Variants in KCNMA1 observed in about 807,000 individuals in gnomAD.
KCNMA1 encodes potassium calcium-activated channel subfamily M alpha 1.
In KCNMA1, 29 loss-of-function variants were observed where a neutral mutation model predicts 140.0. The observed-to-expected ratio is 0.21, with a 90% CI of 0.15 to 0.28. The LOEUF (loss-of-function observed/expected upper bound fraction) is 0.28. KCNMA1 is among the 10% of genes least tolerant of loss of function. The probability of loss-of-function intolerance (pLI) is 1.00; values close to 1 mark genes in which losing one functional copy is unlikely to be tolerated. For missense variants in KCNMA1, 880 were observed against 1,602.2 expected (o/e 0.55, Z 7.70); for synonymous variants, 612 against 611.9 (o/e 1.00, Z 0.00).
chr10:77,559,574 C>CG (rs1451563346), intron 1 of KCNMA1, among the ~76,000 whole-genome samples: 2 of 152,178 alleles, frequency 1.3e-5, no homozygotes, highest in Non-Finnish European at 2.9e-5. Flanking sequence ...AAGGTGTCAC[C>CG]CCCAGCTCTC....
chr10:76,927,323 TAAAC>T (rs1196495452), intron 23 of KCNMA1, among the ~76,000 whole-genome samples: 2 of 152,144 alleles, frequency 1.3e-5, no homozygotes, highest in Non-Finnish European at 2.9e-5. Context: ...AACCATTTAT[TAAAC>T]AAACACTATG....
intron 1 of KCNMA1, among the ~76,000 whole-genome samples, chr10:77,447,700 T>C (rs1416999278): frequency 6.6e-6 from 1 of 152,196 alleles, no homozygotes; most frequent in Non-Finnish European, 1.5e-5. Context: ...TTTTGGATCC[T>C]GGGATCAAGA....
At chr10:77,324,784 G>A (rs1302695119) in intron 2 of KCNMA1, among the ~76,000 whole-genome samples, 17 of 152,110 alleles carry the variant, frequency 1.1e-4, no homozygotes, top group Non-Finnish European at 2.2e-4. Context: ...GGGTTCTGTT[G>A]GTAGCTGGAA....
intron 1 of KCNMA1, among the ~76,000 whole-genome samples, chr10:77,442,793 C>A (rs886298189): frequency 6.6e-6 from 1 of 152,192 alleles, no homozygotes; most frequent in African/African-American, 2.4e-5. Flanking sequence ...TCCTCCTTCA[C>A]ACCCAAGAGG....
chr10:77,595,662 TTTTTG>T (rs142378454), intron 1 of KCNMA1, among the ~76,000 whole-genome samples: 1 of 151,970 alleles, frequency 6.6e-6, no homozygotes, highest in African/African-American at 2.4e-5. Context: ...GACAGGCTAG[TTTTTG>T]TTTTGTTTTG....
chr10:77,543,016 TTTCTCTCTCTCTCA>T (rs1033760758), intron 1 of KCNMA1, among the ~76,000 whole-genome samples: 4 of 25,222 alleles, frequency 1.6e-4, no homozygotes, highest in African/African-American at 1.6e-3. Flanking sequence ...ACTCTCTCTC[TTTCTCTCTCTCTCA>T]TTCTCTCTCT....
intron 1 of KCNMA1, among the ~76,000 whole-genome samples, chr10:77,431,764 G>A (rs996775244): frequency 2.7e-5 from 4 of 148,184 alleles, no homozygotes; most frequent in South Asian, 2.2e-4. Context: ...TTGGGAAGCC[G>A]ATGCGGATGG....
intron 25 of KCNMA1, among the ~76,000 whole-genome samples, chr10:76,896,573 T>C (rs1398285669): frequency 6.6e-6 from 1 of 152,202 alleles, no homozygotes; most frequent in Non-Finnish European, 1.5e-5. Flanking sequence ...GGGGAAGTGA[T>C]AAATGTCCAT....
chr10:77,277,968 C>A (rs1485803954), intron 2 of KCNMA1, among the ~76,000 whole-genome samples: 1 of 152,152 alleles, frequency 6.6e-6, no homozygotes, highest in Non-Finnish European at 1.5e-5. Flanking sequence ...TGTATCTTTC[C>A]ATTAATCAAT....
chr10:77,568,919 C>A (rs962384665), intron 1 of KCNMA1, among the ~76,000 whole-genome samples: 1 of 149,740 alleles, frequency 6.7e-6, no homozygotes, highest in Non-Finnish European at 1.5e-5. Flanking sequence ...ACAAAAATCA[C>A]AAGCATTCTC....
intron 1 of KCNMA1, among the ~76,000 whole-genome samples, chr10:77,417,656 A>T (rs1270770644): frequency 1.3e-5 from 2 of 152,254 alleles, no homozygotes; most frequent in Non-Finnish European, 2.9e-5. Flanking sequence ...GTCCCGTGCC[A>T]GGAAAATTTC....
chr10:77,363,120 A>T (rs202005597), intron 2 of KCNMA1, among the ~76,000 whole-genome samples: 175 of 151,144 alleles, frequency 1.2e-3, no homozygotes, highest in African/African-American at 3.1e-3. Context: ...AATTATTATT[A>T]TTTTTTTTTT....
At chr10:77,575,999 T>C (rs2073948906) in intron 1 of KCNMA1, among the ~76,000 whole-genome samples, 1 of 152,266 alleles carries the variant, frequency 6.6e-6, no homozygotes, top group East Asian at 1.9e-4. Flanking sequence ...GGCCCATGTT[T>C]CTAGCCTTAG....
At chr10:77,044,027 AC>A (rs2094894314) in intron 14 of KCNMA1, among the ~76,000 whole-genome samples, 1 of 152,188 alleles carries the variant, frequency 6.6e-6, no homozygotes, top group South Asian at 2.1e-4. Context: ...GATTTTTAAA[AC>A]CCTTATGTAT....
At chr10:77,149,440 G>A (rs985889999) in intron 5 of KCNMA1, among the ~76,000 whole-genome samples, 4 of 152,178 alleles carry the variant, frequency 2.6e-5, no homozygotes, top group African/African-American at 9.7e-5. Flanking sequence ...ATAAATGGCT[G>A]TGTGACTTGT....
chr10:77,172,506 C>T (rs1046385922), intron 5 of KCNMA1, among the ~76,000 whole-genome samples: 10 of 152,046 alleles, frequency 6.6e-5, no homozygotes, highest in South Asian at 2.1e-4. Context: ...GCTATAGCAG[C>T]GACCGGAACA....
chr10:77,153,377 C>G (rs187200413), intron 5 of KCNMA1, among the ~76,000 whole-genome samples: 6 of 151,900 alleles, frequency 3.9e-5, no homozygotes, highest in Admixed American at 3.3e-4. Flanking sequence ...TTTTCTTTTT[C>G]TTTTTGTTTT....
At chr10:77,499,403 G>GTATATATATATATATATATATA (rs71028280) in intron 1 of KCNMA1, among the ~76,000 whole-genome samples, 102 of 142,470 alleles carry the variant, frequency 7.2e-4, no homozygotes, top group African/African-American at 1.9e-3. Flanking sequence ...CAGTAGGCAT[G>GTATATATATATATATATATATA]TATATATATA....
chr10:77,490,749 GA>G (rs1160676125), intron 1 of KCNMA1, among the ~76,000 whole-genome samples: 1 of 152,162 alleles, frequency 6.6e-6, no homozygotes, highest in African/African-American at 2.4e-5. Context: ...GCTCTCACAG[GA>G]GTAGGGAAAT....
Sources: gnomAD v4.1 joint callset for allele counts (sites outside exome capture counted in the v4.1 genomes callset) on GRCh38, gnomAD v4.1.1 for gene constraint, MANE v1.5 for transcripts, NCBI Gene and HGNC (gene_info 2026-07-23, HGNC 2026-07-21) for gene names.